ANK2: variants seen among roughly 807,000 people sequenced by gnomAD.
ANK2 encodes the protein ankyrin-2.
ANK2 carries 83 observed loss-of-function variants against 360.5 expected under a neutral mutation model. That is an observed-to-expected ratio of 0.23 (90% CI 0.19 to 0.28). The LOEUF is 0.28. Ranked by LOEUF, ANK2 falls within the 10% of genes least tolerant of loss-of-function variation. ANK2 has a pLI of 1.00. For missense variants in ANK2, 4,201 were observed against 4,795.7 expected, an observed-to-expected ratio of 0.88 and a Z score of 3.66; for synonymous variants, 1,740 against 1,759.5, an observed-to-expected ratio of 0.99 and a Z score of 0.28.
chr4:112,893,596 C>T (rs2080828397), intron 1 of ANK2, among the ~76,000 whole-genome samples: 1 of 152,198 alleles, frequency 6.6e-6, no homozygotes, highest in African/African-American at 2.4e-5. Flanking sequence ...GACCATTTAT[C>T]AACCTCTGCA....
chr4:113,153,329 A>G lies in ANK2; in HGVS notation c.85-21087A>G, dbSNP rs953069608. Reference sequence around the variant, plus strand: ...CTTTTGTGTCATACCTTTCTAGATTATTGGCTTTCTGAAGGATATTAGAAA... The same window carrying G: ...CTTTTGTGTCATACCTTTCTAGATTGTTGGCTTTCTGAAGGATATTAGAAA... On this transcript the variant is annotated intron_variant, in intron 1 of 45. Coordinates refer to ENST00000357077, the MANE Select transcript of ANK2 (RefSeq NM_001148.6). Among the ~76,000 whole-genome samples, 3 of 152,184 alleles carry G rather than the reference A, an allele frequency of 2.0e-5. No homozygotes were observed. The South Asian group carries it at 6.2e-4, about 32-fold the overall frequency.
At chr4:113,018,689 G>A (rs1342669990) in intron 2 of ANK2, among the ~76,000 whole-genome samples, 1 of 152,198 alleles carries the variant, frequency 6.6e-6, no homozygotes, top group African/African-American at 2.4e-5. Flanking sequence ...CCTGAGCATG[G>A]GCGGTGTTTC....
intron 1 of ANK2, among the ~76,000 whole-genome samples, chr4:113,085,108 G>A (rs140769945): frequency 2.6e-5 from 4 of 152,230 alleles, no homozygotes; most frequent in Non-Finnish European, 5.9e-5. Context: ...ACGGCCATTC[G>A]TGTACGTTTT....
intron 2 of ANK2, among the ~76,000 whole-genome samples, chr4:112,911,188 C>CTTTTTTT (rs751581640): frequency 1.4e-5 from 1 of 73,992 alleles, no homozygotes; most frequent in South Asian, 6.4e-4. Flanking sequence ...CAAGATGGTG[C>CTTTTTTT]TTTTTTTTTT....
At chr4:113,191,094 C>A (rs545353961) in intron 2 of ANK2, among the ~76,000 whole-genome samples, 1 of 152,280 alleles carries the variant, frequency 6.6e-6, no homozygotes, top group African/African-American at 2.4e-5. Flanking sequence ...AATCCCAGCA[C>A]TTTGGGAGGC....
intron 1 of ANK2, among the ~76,000 whole-genome samples, chr4:113,106,543 AT>A (rs2093646817): frequency 6.6e-6 from 1 of 151,984 alleles, no homozygotes; most frequent in East Asian, 1.9e-4. Flanking sequence ...TCTTTTTGGG[AT>A]CAGTCGTAAT....
chr4:112,855,592 A>G (rs1399112432), intron 1 of ANK2, among the ~76,000 whole-genome samples: 1 of 152,124 alleles, frequency 6.6e-6, no homozygotes, highest in East Asian at 1.9e-4. Context: ...AGTAACTAAT[A>G]CGTATCTAGT....
chr4:112,850,504 C>CTTT lies in ANK2; in HGVS notation c.-40+32268_-40+32270dup, dbSNP rs60510554. 1.2e-3 allele frequency among the ~76,000 whole-genome samples: 7 copies of CTTT among 5,820 alleles called. 2 individuals are homozygous for CTTT. Among genetic ancestry groups the CTTT allele is most frequent in the African/African-American group, 2.1e-3 (3 of 1,406 alleles). The allele number at this position is 5,820 out of a possible 152,430, so 3.8% of individuals were successfully genotyped here. A position where few individuals can be genotyped will look rare whatever the true frequency, so the allele number is the denominator to read the frequency against. On this transcript the variant is annotated intron_variant, in intron 1 of 30. Transcript: ENST00000503271. ...TTTTTTTAACATTTCCTGTGCTAGT[C>CTTT]TTTTTTTTTTTTTTTTTTTTTTTTT...
chr4:113,331,868 A>G, intron 27 of ANK2, 104 bp from the exon 28 acceptor site: 1 of 1,086,514 alleles, frequency 9.2e-7, no homozygotes, highest in Non-Finnish European at 1.4e-6. Flanking sequence ...GTGTGAAACC[A>G]AAGTTCACCC....
chr4:112,775,599 T>C, the ANK2 span, among the ~76,000 whole-genome samples: 1 of 149,756 alleles, frequency 6.7e-6, no homozygotes, highest in Non-Finnish European at 1.5e-5. Flanking sequence ...CAGGTGAGTG[T>C]TGGGTATCGT....
Position 113,353,852 on chromosome 4 carries a change from C to G in ANK2, c.5234C>G (p.Pro1745Arg), listed in dbSNP as rs751038588. Reference sequence around the variant, plus strand: ...TTAGGTGAAGACCCAGGTTTAGCCCCTGAACCCCTTCCCACTGTCAAGGCC... The same window carrying G: ...TTAGGTGAAGACCCAGGTTTAGCCCGTGAACCCCTTCCCACTGTCAAGGCC... ...ESLGEDPGLAPEPLPTVKATS... is the reference protein window; with the variant it reads ...ESLGEDPGLAREPLPTVKATS... The change falls in exon 38 of 46, where the codon CCT (proline) becomes CGT (arginine). Residue 1745 changes from proline to arginine, a missense_variant. Coordinates refer to ENST00000357077, the MANE Select transcript of ANK2 (RefSeq NM_001148.6). 1 of 1,613,978 alleles carries G rather than the reference C, an allele frequency of 6.2e-7. No individual in the cohort carries two copies.
chr4:112,839,507 G>A (rs1003410244), intron 1 of ANK2, among the ~76,000 whole-genome samples: 9 of 152,204 alleles, frequency 5.9e-5, no homozygotes, highest in Non-Finnish European at 1.3e-4. Flanking sequence ...AAGAGTAGAT[G>A]ATACCAAATA....
At chr4:112,819,852 G>A (rs1353195838) in intron 1 of ANK2, among the ~76,000 whole-genome samples, 1 of 152,122 alleles carries the variant, frequency 6.6e-6, no homozygotes, top group African/African-American at 2.4e-5. Context: ...GCCATTTCTT[G>A]TAGACGAGCA....
intron 1 of ANK2, among the ~76,000 whole-genome samples, chr4:112,866,050 AAG>A (rs2150177870): frequency 6.6e-6 from 1 of 152,344 alleles, no homozygotes; most frequent in East Asian, 1.9e-4. Context: ...CTGTTTTAAT[AAG>A]AGTCAGCACT....
At chr4:112,757,878 A>G in the ANK2 span, among the ~76,000 whole-genome samples, 1 of 121,300 alleles carries the variant, frequency 8.2e-6, no homozygotes, top group Admixed American at 1.0e-4. Flanking sequence ...AATCCTTCTA[A>G]AGATGGATTT....
At chr4:112,978,920 ACT>A (rs2154270151) in intron 2 of ANK2, among the ~76,000 whole-genome samples, 1 of 152,086 alleles carries the variant, frequency 6.6e-6, no homozygotes, top group Non-Finnish European at 1.5e-5. Flanking sequence ...TCATATCTTG[ACT>A]CTGTAGATCA....
At chr4:113,208,707 C>T (rs150846999) in intron 4 of ANK2, among the ~76,000 whole-genome samples, 1,844 of 151,830 alleles carry the variant, frequency 0.012, 28 homozygotes, top group Non-Finnish European at 0.019. Context: ...CTTGCTATCT[C>T]GCCCAGACTG....
intron 1 of ANK2, among the ~76,000 whole-genome samples, chr4:113,171,186 T>C (rs1196283052): frequency 6.6e-6 from 1 of 152,176 alleles, no homozygotes; most frequent in South Asian, 2.1e-4. Context: ...TCATAATCAG[T>C]TGGGAAACAC....
intron 2 of ANK2, among the ~76,000 whole-genome samples, chr4:113,028,577 G>T (rs918442205): frequency 7.2e-5 from 11 of 152,096 alleles, no homozygotes; most frequent in African/African-American, 2.7e-4. Flanking sequence ...GTGGAACAAA[G>T]GAGTAAAAGC....
Sources: allele counts gnomAD v4.1 joint callset (sites outside exome capture counted in the v4.1 genomes callset), GRCh38; gene constraint gnomAD v4.1.1; transcripts MANE v1.5; gene names NCBI Gene and HGNC (gene_info 2026-07-23, HGNC 2026-07-21).